Variants in WWOX observed in about 807,000 individuals in gnomAD.
WWOX encodes WW domain-containing oxidoreductase.
In WWOX, 69 loss-of-function variants were observed where a neutral mutation model predicts 46.2. The observed-to-expected ratio is 1.49, with a 90% CI of 1.23 to 1.82. The LOEUF is 1.82. Among genes scored for constraint, WWOX ranks in the 40% most tolerant of loss-of-function variants. The pLI is 0.00. For missense variants in WWOX, 919 were observed against 542.6 expected, an observed-to-expected ratio of 1.69 and a Z score of -6.89; for synonymous variants, 359 against 202.6, an observed-to-expected ratio of 1.77 and a Z score of -6.56.
intron 8 of WWOX, among the ~76,000 whole-genome samples, chr16:78,736,907 C>T (rs1418978562): frequency 6.6e-6 from 1 of 152,074 alleles, no homozygotes; most frequent in Non-Finnish European, 1.5e-5. Flanking sequence ...ATGTGCCCGG[C>T]CCACAATGGT....
chr16:79,191,851 A>G (rs550575384), intron 8 of WWOX, among the ~76,000 whole-genome samples: 4 of 152,326 alleles, frequency 2.6e-5, no homozygotes, highest in East Asian at 3.9e-4. Context: ...CCATTCTTCA[A>G]TGGAGAATTA....
At chr16:78,105,061 G>A (rs192049734) in intron 1 of WWOX, among the ~76,000 whole-genome samples, 28 of 152,318 alleles carry the variant, frequency 1.8e-4, no homozygotes, top group African/African-American at 5.3e-4. Flanking sequence ...GTCCTGCAGG[G>A]GACGGCTGGC....
chr16:79,196,419 A>T (rs189026690), intron 8 of WWOX: 3 of 152,106 alleles, frequency 2.0e-5, no homozygotes, highest in Non-Finnish European at 2.9e-5. Flanking sequence ...CCTTCAGCTG[A>T]GGAACATGTG....
intron 8 of WWOX, among the ~76,000 whole-genome samples, chr16:78,472,836 A>AAAAAAT (rs1421843878): frequency 3.8e-4 from 52 of 135,580 alleles, no homozygotes; most frequent in African/African-American, 5.1e-4. Context: ...AAAAAAAAAA[A>AAAAAAT]TTATGTCATT....
rs1555520964 is a variant in WWOX, at chr16:78,710,474, A to ATATATATATATATATATATATT, written c.1056+277743_1056+277744insTTATATATATATATATATATAT. Among the ~76,000 whole-genome samples, 6 of 50,326 alleles carry ATATATATATATATATATATATT rather than the reference A, an allele frequency of 1.2e-4. 1 individual carries two copies. Among genetic ancestry groups the ATATATATATATATATATATATT allele is most frequent in the African/African-American group, 2.9e-4 (2 of 6,880 alleles). The allele number at this position is 50,326 out of a possible 152,430, so 33.0% of individuals were successfully genotyped here. A position where few individuals can be genotyped will look rare whatever the true frequency, so the allele number is the denominator to read the frequency against. On this transcript the variant is annotated intron_variant, in intron 8 of 8. Coordinates refer to ENST00000566780, the MANE Select transcript of WWOX (RefSeq NM_016373.4). ...GATGCAATTAAAGCTAATGGATCTC[A>ATATATATATATATATATATATT]TATATATATATATATATATATATAT...
chr16:78,319,781 G>C (rs1167610428), intron 5 of WWOX, among the ~76,000 whole-genome samples: 1 of 152,160 alleles, frequency 6.6e-6, no homozygotes, highest in Non-Finnish European at 1.5e-5. Flanking sequence ...GCTACCCCTT[G>C]AAGTCACACT....
At chr16:78,563,899 T>C (rs2044500721) in intron 8 of WWOX, among the ~76,000 whole-genome samples, 1 of 152,198 alleles carries the variant, frequency 6.6e-6, no homozygotes, top group African/African-American at 2.4e-5. Flanking sequence ...CAGGATGGCA[T>C]GAAACTTGAT....
chr16:79,170,690 C>T (rs1349503022), intron 8 of WWOX, among the ~76,000 whole-genome samples: 4 of 151,860 alleles, frequency 2.6e-5, no homozygotes, highest in East Asian at 1.9e-4. Context: ...ACAGTAAATG[C>T]GCTCTTTAAG....
chr16:79,063,326 CCGAAAT>C (rs1300774960), intron 8 of WWOX, among the ~76,000 whole-genome samples: 1 of 152,136 alleles, frequency 6.6e-6, no homozygotes, highest in East Asian at 1.9e-4. Context: ...ATTTTTTGTT[CCGAAAT>C]CGGAATATTT....
At chr16:78,951,998 C>T (rs567820803) in intron 8 of WWOX, among the ~76,000 whole-genome samples, 2 of 152,144 alleles carry the variant, frequency 1.3e-5, no homozygotes, top group Non-Finnish European at 2.9e-5. Context: ...TTCTAATCTT[C>T]CCACCCTCAG....
chr16:78,824,782 CAT>C (rs2051603403), intron 8 of WWOX, among the ~76,000 whole-genome samples: 1 of 152,134 alleles, frequency 6.6e-6, no homozygotes, highest in African/African-American at 2.4e-5. Flanking sequence ...CCTCCCACAA[CAT>C]GTGGGAATTC....
At chr16:78,961,788 A>T (rs551276205) in intron 8 of WWOX, among the ~76,000 whole-genome samples, 1 of 152,274 alleles carries the variant, frequency 6.6e-6, no homozygotes, top group Admixed American at 6.5e-5. Flanking sequence ...ACCTCAGGTT[A>T]TCATAGTAGT....
At chr16:78,822,485 ACT>A (rs1470157258) in intron 8 of WWOX, among the ~76,000 whole-genome samples, 3 of 151,958 alleles carry the variant, frequency 2.0e-5, no homozygotes, top group Non-Finnish European at 2.9e-5. Flanking sequence ...CAGAGCCGAG[ACT>A]CTGTCTCAAA....
At chr16:78,702,650 G>T (rs1279860967) in intron 8 of WWOX, among the ~76,000 whole-genome samples, 1 of 136,814 alleles carries the variant, frequency 7.3e-6, no homozygotes, top group African/African-American at 2.7e-5. Context: ...GCAAGACTCT[G>T]TCTCAAAAAA....
At chr16:78,683,786 G>A (rs1293159162) in intron 8 of WWOX, among the ~76,000 whole-genome samples, 1 of 152,094 alleles carries the variant, frequency 6.6e-6, no homozygotes, top group Non-Finnish European at 1.5e-5. Context: ...TCGTGATTTA[G>A]GGCATGAAGA....
intron 5 of WWOX, among the ~76,000 whole-genome samples, chr16:78,306,788 A>G (rs1364285133): frequency 6.6e-6 from 1 of 151,020 alleles, no homozygotes; most frequent in East Asian, 2.0e-4. Context: ...CCTTCCCACA[A>G]TCCCCACTGA....
At chr16:79,073,916 C>T (rs986681118) in intron 8 of WWOX, among the ~76,000 whole-genome samples, 7 of 151,970 alleles carry the variant, frequency 4.6e-5, no homozygotes, top group African/African-American at 1.7e-4. Context: ...TTTTTAATTT[C>T]CTTTTTCTAG....
intron 8 of WWOX, among the ~76,000 whole-genome samples, chr16:78,667,693 AG>A (rs1264703215): frequency 4.0e-4 from 59 of 148,106 alleles, no homozygotes; most frequent in Non-Finnish European, 1.0e-4. Context: ...AAAAAAAAAA[AG>A]ATAATGATGA....
rs546999495 is a variant in WWOX at position 78,592,651 on chromosome 16, T to C, written c.1056+159899T>C. Among the ~76,000 whole-genome samples, 82 of 152,292 alleles carry C rather than the reference T, an allele frequency of 5.4e-4. 1 individual carries two copies. Among genetic ancestry groups the C allele is most frequent in the Admixed American group, 4.8e-3 (73 of 15,306 alleles). On this transcript the variant is annotated intron_variant, in intron 8 of 8. Coordinates refer to ENST00000566780, the MANE Select transcript of WWOX (RefSeq NM_016373.4). ...CCTGGCATATTTTGGCAGGCCTGGA[T>C]CAGAGCCTAGGTGTGTAAATTAGGA...
Sources: gnomAD v4.1 joint callset for allele counts (sites outside exome capture counted in the v4.1 genomes callset) on GRCh38, gnomAD v4.1.1 for gene constraint, MANE v1.5 for transcripts, NCBI Gene and HGNC (gene_info 2026-07-23, HGNC 2026-07-21) for gene names.